Variants in BTBD16 observed in about 807,000 individuals in gnomAD.
BTBD16 encodes the protein BTB/POZ domain-containing protein 16.
A neutral mutation model predicts 67.4 loss-of-function variants in BTBD16; 66 were observed. That is an observed-to-expected ratio of 0.98 (90% CI 0.80 to 1.20). The LOEUF (loss-of-function observed/expected upper bound fraction) is 1.20, where lower values mean the gene tolerates loss of function less well. Ranked by LOEUF, BTBD16 falls within the 50% of genes most tolerant of loss-of-function variation. The pLI, the probability that BTBD16 is intolerant of heterozygous loss-of-function variation, is 0.00. For synonymous variants in BTBD16, 242 were observed against 236.4 expected (o/e 1.02, Z -0.22); for missense variants, 634 against 616.0 (o/e 1.03, Z -0.31).
rs931726415 is a variant in BTBD16 at position 122,287,062 on chromosome 10, C to G, written c.385+814C>G. Among the ~76,000 whole-genome samples the G allele has an allele frequency of 3.9e-5, 6 of 152,296 alleles. 1 individual carries two copies. Among genetic ancestry groups the G allele is most frequent in the Admixed American group, 1.3e-4 (2 of 15,300 alleles). The stretch of plus-strand genomic sequence containing the variant: ...CAGCCGGAGCCCCCAGTCACTCCCC[C>G]TCCCTGAGCCTGAGCCTGGAGGGAG... On this transcript the variant is annotated intron_variant, in intron 5 of 15. Transcript: ENST00000260723.
rs1475876920 is a variant in BTBD16 at position 122,307,203 on chromosome 10, G to A, written c.806G>A (p.Ser269Asn). The change falls in exon 10 of 16, where the codon AGT becomes AAT. Residue 269 changes from serine (S) to asparagine (N), a missense_variant. Ser to Asn is a conservative substitution (Grantham distance 46). Transcript: ENST00000260723. ...VLKSPRLFTFSEFHLLKTMLL... is the reference protein window; with the variant it reads ...VLKSPRLFTFNEFHLLKTMLL... The stretch of plus-strand genomic sequence containing the variant: ...ATTTTGGCCAGGTTATTTACCTTTA[G>A]TGAATTCCATCTTCTGAAAACAATG... The A allele has an allele frequency of 6.2e-7, 1 of 1,601,928 alleles. No homozygotes were observed. The highest frequency in any genetic ancestry group is 8.5e-7 in the Non-Finnish European group (1 of 1,176,226).
chr10:122,316,059 G>T (rs1291199185), intron 10 of BTBD16, among the ~76,000 whole-genome samples: 1 of 152,158 alleles, frequency 6.6e-6, no homozygotes, highest in African/African-American at 2.4e-5. Context: ...CTGAGGTTGG[G>T]AGTTTGAGAC....
chr10:122,308,735 T>C (rs1212604430), intron 10 of BTBD16, among the ~76,000 whole-genome samples: 1 of 152,194 alleles, frequency 6.6e-6, no homozygotes, highest in African/African-American at 2.4e-5. Flanking sequence ...TCTGTCATCA[T>C]GGAGGACCTT....
At chr10:122,277,843 T>C (rs1346120230) in intron 3 of BTBD16, among the ~76,000 whole-genome samples, 1 of 152,100 alleles carries the variant, frequency 6.6e-6, no homozygotes, top group East Asian at 1.9e-4. Context: ...GAAACAAACA[T>C]GTAATTTGTA....
chr10:122,309,309 CTAT>C (rs2096409230), intron 10 of BTBD16, among the ~76,000 whole-genome samples: 1 of 151,212 alleles, frequency 6.6e-6, no homozygotes. Context: ...AAAATTATTA[CTAT>C]TATTATTTTT....
rs763168716 is a variant in BTBD16 at position 122,332,533 on chromosome 10, A to G, written c.1164+20A>G. The G allele has an allele frequency of 5.4e-5, 86 of 1,600,778 alleles. No individual in the cohort carries two copies. Among genetic ancestry groups the G allele is most frequent in the Non-Finnish European group, 7.3e-5 (85 of 1,168,166 alleles). ...AACCAGGTACTGAGAACTGTACCCG[A>G]ACAAGGGGAAGAACTGTTCCTCTCG... is the stretch of plus-strand genomic sequence containing the variant. On this transcript the variant is annotated intron_variant, in intron 13 of 15. Transcript: ENST00000260723.
Position 122,322,469 on chromosome 10 carries a change from T to C in BTBD16, c.912-7011T>C, listed in dbSNP as rs998728209. Reference sequence around the variant, plus strand: ...TAGGGAACAGTTGCCACTCTCTCCATGAGGGGCAAAGGGTCTGAGCTCTGG... The same window carrying C: ...TAGGGAACAGTTGCCACTCTCTCCACGAGGGGCAAAGGGTCTGAGCTCTGG... On this transcript the variant is annotated intron_variant, in intron 10 of 15. Transcript: ENST00000260723. 2.0e-5 allele frequency among the ~76,000 whole-genome samples: 3 copies of C among 152,076 alleles called. No individual in the cohort carries two copies. The South Asian group carries it at 6.2e-4, about 32-fold the overall frequency.
At chr10:122,289,835 G>A (rs1053891034) in intron 5 of BTBD16, 74 bp from the exon 6 acceptor site, 1 of 959,916 alleles carries the variant, frequency 1.0e-6, no homozygotes, top group Non-Finnish European at 1.7e-6. Flanking sequence ...TCATGCCAGG[G>A]TGGTGGGTGC....
chr10:122,290,928 G>C (rs935534728), intron 6 of BTBD16, 152 bp from the exon 7 acceptor site: 52 of 1,159,926 alleles, frequency 4.5e-5, no homozygotes, highest in Admixed American at 2.4e-4. Flanking sequence ...CAGATCGTCA[G>C]CTTCTGGGCG....
chr10:122,324,744 A>T (rs1395004440), intron 10 of BTBD16, among the ~76,000 whole-genome samples: 1 of 152,020 alleles, frequency 6.6e-6, no homozygotes, highest in Non-Finnish European at 1.5e-5. Context: ...TTTAACTTGG[A>T]TCTCTGGAAC....
intron 9 of BTBD16, among the ~76,000 whole-genome samples, chr10:122,301,359 A>T (rs2096393595): frequency 6.6e-6 from 1 of 152,188 alleles, no homozygotes; most frequent in South Asian, 2.1e-4. Flanking sequence ...ATTACGTGTC[A>T]AGTGTCTAGA....
chr10:122,312,324 T>C (rs1342670746), intron 10 of BTBD16, among the ~76,000 whole-genome samples: 1 of 143,830 alleles, frequency 7.0e-6, no homozygotes, highest in East Asian at 2.0e-4. Flanking sequence ...TTTTTTTTTT[T>C]TTTTTTTTGA....
Position 122,299,053 on chromosome 10 carries a change from A to G in BTBD16, c.710A>G (p.Asn237Ser). Residue 237 changes from asparagine to serine, a missense_variant, in exon 9 of 16, where the codon AAC becomes AGC. Transcript: ENST00000260723. Reference sequence around the variant, plus strand: ...GGCTGCGAGAAGTGGCTGGAAATGAACTTGGTTCCTCTAGGGGGGACGCAG... The same window carrying G: ...GGCTGCGAGAAGTGGCTGGAAATGAGCTTGGTTCCTCTAGGGGGGACGCAG... ...TTGCEKWLEMNLVPLGGTQIH... is the reference protein window; with the variant it reads ...TTGCEKWLEMSLVPLGGTQIH... The G allele has an allele frequency of 6.2e-7, 1 of 1,614,000 alleles. No individual in the cohort carries two copies. The highest frequency in any genetic ancestry group is 8.5e-7 in the Non-Finnish European group (1 of 1,179,982).
At chr10:122,327,013 C>G (rs2096446250) in intron 10 of BTBD16, among the ~76,000 whole-genome samples, 1 of 152,158 alleles carries the variant, frequency 6.6e-6, no homozygotes. Context: ...CACCACTGGA[C>G]CAGAGAGGAG....
Position 122,329,565 on chromosome 10 carries a change from A to C in BTBD16, c.997A>C (p.Thr333Pro). 1.9e-6 allele frequency: 3 copies of C among 1,613,612 alleles called. No homozygotes were observed. The highest frequency in any genetic ancestry group is 2.5e-6 in the Non-Finnish European group (3 of 1,179,974). ...LFLCLRLHGI[T>P]KGKDLEVLRH... ...CCTCTGCTTGCGTCTGCACGGCATC[A>C]CCAAAGGTAAGCCCCAGTCCAGGCG... The change falls in exon 11 of 16, where the codon ACC becomes CCC. Residue 333 changes from threonine (T) to proline (P), a missense_variant. Thr to Pro is a conservative substitution (Grantham distance 38, BLOSUM62 -1). Transcript: ENST00000260723.
At chr10:122,316,768 C>T (rs899507706) in intron 10 of BTBD16, among the ~76,000 whole-genome samples, 5 of 150,526 alleles carry the variant, frequency 3.3e-5, no homozygotes, top group East Asian at 1.9e-4. Context: ...AGGCCTAGGA[C>T]GTTACTGGGC....
intron 7 of BTBD16, among the ~76,000 whole-genome samples, chr10:122,294,331 T>A (rs2096379299): frequency 6.6e-6 from 1 of 152,208 alleles, no homozygotes; most frequent in Non-Finnish European, 1.5e-5. Context: ...TCAGCTGAGC[T>A]CCCAGGCAGT....
chr10:122,282,743 G>T (rs957030548), intron 3 of BTBD16, among the ~76,000 whole-genome samples: 11 of 152,218 alleles, frequency 7.2e-5, no homozygotes, highest in Non-Finnish European at 1.0e-4. Context: ...GTAAACACAT[G>T]CCGTATCTGT....
chr10:122,319,782 G>T (rs139568512), intron 10 of BTBD16, among the ~76,000 whole-genome samples: 2 of 152,124 alleles, frequency 1.3e-5, no homozygotes, highest in East Asian at 3.9e-4. Flanking sequence ...GATAAGGATT[G>T]TCTTCAATGT....
Sources: gnomAD v4.1 joint callset for allele counts (sites outside exome capture counted in the v4.1 genomes callset) on GRCh38, gnomAD v4.1.1 for gene constraint, MANE v1.5 for transcripts, NCBI Gene and HGNC (gene_info 2026-07-23, HGNC 2026-07-21) for gene names.